NAV2: variants seen among roughly 807,000 people sequenced by gnomAD.
NAV2 encodes helicase, APC down-regulated 1.
In NAV2, 54 loss-of-function variants were observed where a neutral mutation model predicts 223.2. The ratio of observed to expected loss-of-function variants is 0.24; its 90% CI spans 0.19 to 0.30. The LOEUF is 0.30. NAV2 is among the 10% of genes least tolerant of loss of function. The pLI, the probability that NAV2 is intolerant of heterozygous loss-of-function variation, is 1.00. For missense variants in NAV2, 2,806 were observed against 3,147.5 expected, an observed-to-expected ratio of 0.89 and a Z score of 2.60; for synonymous variants, 1,279 against 1,239.3, an observed-to-expected ratio of 1.03 and a Z score of -0.67.
At chr11:19,702,914 C>T (rs2049551489) in intron 1 of NAV2, among the ~76,000 whole-genome samples, 1 of 149,576 alleles carries the variant, frequency 6.7e-6, no homozygotes, top group Non-Finnish European at 1.5e-5. Context: ...TTAAAGCCAC[C>T]CATAATTCCA....
intron 22 of NAV2, among the ~76,000 whole-genome samples, chr11:20,076,455 G>C (rs970649505): frequency 2.0e-5 from 3 of 152,146 alleles, no homozygotes; most frequent in African/African-American, 7.2e-5. Context: ...TCTCACTCTT[G>C]GACATGCCAC....
rs1476319922 is a variant in NAV2, at chr11:20,101,022, A to T, written c.6267A>T (p.Ile2089=). The T allele has an allele frequency of 2.5e-6, 4 of 1,613,992 alleles. No individual in the cohort carries two copies. The African/African-American group carries it at 5.3e-5, about 22-fold the overall frequency. The part of the protein sequence containing the change: ...PILQRYVSLL[I]EHRRIILSGP... ...TGCAGCGCTACGTCTCCCTCCTGAT[A>T]GAGCACCGTCGGATCATTCTCTCTG... The change falls in exon 32 of 38, where the codon ATA becomes ATT. Residue 2089 remains isoleucine, a synonymous_variant. Coordinates refer to ENST00000349880, the MANE Select transcript of NAV2 (RefSeq NM_145117.5).
In NAV2 at chr11:19,571,742, T is replaced by C. The variant is rs190649787; in HGVS notation, c.75+220715T>C. Among the ~76,000 whole-genome samples, 29 of 152,238 alleles carry C rather than the reference T, an allele frequency of 1.9e-4. No homozygotes were observed. The East Asian group carries it at 5.6e-3, about 29-fold the overall frequency. On this transcript the variant is annotated intron_variant, in intron 1 of 37. Coordinates refer to the NAV2 transcript ENST00000360655. ...AAAAAAAAAGAAAAGTTTAATTTTATGTTATGTCGATTTTACTTTCATTAA... is the reference window on the plus strand; with the variant it reads ...AAAAAAAAAGAAAAGTTTAATTTTACGTTATGTCGATTTTACTTTCATTAA...
At chr11:19,822,600 A>G (rs1259044271) in intron 1 of NAV2, among the ~76,000 whole-genome samples, 1 of 152,116 alleles carries the variant, frequency 6.6e-6, no homozygotes, top group Non-Finnish European at 1.5e-5. Flanking sequence ...CTTTGAAACA[A>G]AGGCTTCTAG....
At chr11:20,089,618 G>A (rs889759929) in intron 26 of NAV2, among the ~76,000 whole-genome samples, 3 of 152,108 alleles carry the variant, frequency 2.0e-5, no homozygotes, top group Admixed American at 6.6e-5. Flanking sequence ...TGAGAGTGGG[G>A]GTGTTTGGGG....
chr11:20,103,084 G>A (rs1052098784), intron 32 of NAV2, among the ~76,000 whole-genome samples, 171 bp from the exon 33 acceptor site: 5 of 152,146 alleles, frequency 3.3e-5, no homozygotes, highest in Admixed American at 2.0e-4. Flanking sequence ...ATCCCCTGAG[G>A]ACCAAGCCAG....
intron 1 of NAV2, among the ~76,000 whole-genome samples, chr11:19,792,603 G>C (rs777570893): frequency 6.6e-6 from 1 of 152,306 alleles, no homozygotes; most frequent in African/African-American, 2.4e-5. Context: ...AAACCTGCCA[G>C]CAATTACAGA....
chr11:20,103,400 A>T lies in NAV2; in HGVS notation c.6563A>T (p.Tyr2188Phe), dbSNP rs1176130208. 4 of 1,613,512 alleles carry T rather than the reference A, an allele frequency of 2.5e-6. No individual in the cohort carries two copies. The Admixed American group carries it at 5.0e-5, about 20-fold the overall frequency. The change falls in exon 33 of 38, where the codon TAC becomes TTC. Residue 2188 changes from tyrosine (Y) to phenylalanine (F), a missense_variant. Around this residue, in one of 4 missense-constraint regions of NAV2, gnomAD observed 824 missense variants for 1,069.4 expected, o/e 0.77. Coordinates refer to ENST00000349880, the MANE Select transcript of NAV2 (RefSeq NM_145117.5). ...EIFNGLLNCK[Y>F]HKCPYIIGTM... is the part of the protein sequence containing the mutation. ...TTCAATGGGCTGCTCAACTGCAAGT[A>T]CCACAAATGGTAAAGGCTGGTTCTG... is the stretch of plus-strand genomic sequence containing the variant.
At chr11:19,747,592 G>A (rs892223839) in intron 1 of NAV2, among the ~76,000 whole-genome samples, 1 of 152,146 alleles carries the variant, frequency 6.6e-6, no homozygotes, top group Non-Finnish European at 1.5e-5. Flanking sequence ...TCTAGGACTA[G>A]GGCTGAGTCT....
chr11:19,400,834 G>T (rs1849654276), intron 1 of NAV2, among the ~76,000 whole-genome samples: 1 of 152,154 alleles, frequency 6.6e-6, no homozygotes, highest in African/African-American at 2.4e-5. Context: ...CTTTTGGTGG[G>T]TTAGTTGGAC....
chr11:19,891,079 A>G (rs2041462065), intron 5 of NAV2, among the ~76,000 whole-genome samples: 1 of 152,118 alleles, frequency 6.6e-6, no homozygotes, highest in Non-Finnish European at 1.5e-5. Context: ...TTCTCTGTTT[A>G]CTCTACAACC....
chr11:19,520,183 G>A (rs889007944), intron 1 of NAV2, among the ~76,000 whole-genome samples: 1 of 152,208 alleles, frequency 6.6e-6, no homozygotes, highest in Non-Finnish European at 1.5e-5. Flanking sequence ...ACCCCTGGAA[G>A]GATATGGCTG....
chr11:19,377,539 G>C (rs540934548), intron 1 of NAV2, among the ~76,000 whole-genome samples: 1 of 152,292 alleles, frequency 6.6e-6, no homozygotes, highest in South Asian at 2.1e-4. Flanking sequence ...GCTCCTTGGG[G>C]GAGAGACTGC....
chr11:20,008,012 T>C (rs1334944306), intron 11 of NAV2, among the ~76,000 whole-genome samples: 3 of 152,258 alleles, frequency 2.0e-5, no homozygotes, highest in Non-Finnish European at 4.4e-5. Context: ...TGAGAGAGCC[T>C]TGTTTTATAG....
intron 1 of NAV2, among the ~76,000 whole-genome samples, chr11:19,672,618 A>G (rs1050980689): frequency 6.6e-6 from 1 of 152,014 alleles, no homozygotes; most frequent in Non-Finnish European, 1.5e-5. Context: ...GCTTGACCCA[A>G]GGGATGGAGG....
intron 1 of NAV2, among the ~76,000 whole-genome samples, chr11:19,515,987 T>G (rs573254299): frequency 6.6e-6 from 1 of 150,824 alleles, no homozygotes; most frequent in African/African-American, 2.5e-5. Context: ...TGGGAGAGAA[T>G]AGCAGGAATT....
At chr11:19,437,742 G>A (rs1170139482) in intron 1 of NAV2, among the ~76,000 whole-genome samples, 1 of 152,078 alleles carries the variant, frequency 6.6e-6, no homozygotes, top group Non-Finnish European at 1.5e-5. Context: ...ACTATGAAAC[G>A]ATGCATTCTC....
chr11:19,937,935 G>A (rs916563189), intron 7 of NAV2, among the ~76,000 whole-genome samples: 10 of 152,186 alleles, frequency 6.6e-5, no homozygotes, highest in Non-Finnish European at 1.3e-4. Flanking sequence ...TCCTGGCAAG[G>A]AGTCAAGGAA....
At chr11:19,560,360 G>A (rs1343787853) in intron 1 of NAV2, among the ~76,000 whole-genome samples, 1 of 152,208 alleles carries the variant, frequency 6.6e-6, no homozygotes, top group Non-Finnish European at 1.5e-5. Flanking sequence ...CACTGGGGAT[G>A]GCTTTGGAAT....
Sources: allele counts gnomAD v4.1 joint callset (sites outside exome capture counted in the v4.1 genomes callset), GRCh38; gene constraint gnomAD v4.1.1; regional missense constraint gnomAD v4.1.1; transcripts MANE v1.5; gene names NCBI Gene and HGNC (gene_info 2026-07-23, HGNC 2026-07-21).